GC: variants seen among roughly 807,000 people sequenced by gnomAD.
GC encodes GC vitamin D binding protein.
A neutral mutation model predicts 56.7 loss-of-function variants in GC; 43 were observed. The observed-to-expected ratio is 0.76, with a 90% CI of 0.59 to 0.98. The LOEUF is 0.98. GC is among the 50% of genes least tolerant of loss of function. GC has a pLI of 0.00. For missense variants in GC, 529 were observed against 545.9 expected (o/e 0.97, Z 0.31); for synonymous variants, 216 against 202.7 (o/e 1.07, Z -0.56).
At chr4:71,798,408 A>C (rs888830608) in intron 1 of GC, among the ~76,000 whole-genome samples, 4 of 152,222 alleles carry the variant, frequency 2.6e-5, no homozygotes, top group Non-Finnish European at 5.9e-5. Flanking sequence ...TTTGCTTACT[A>C]TACAATAGAC....
chr4:71,764,356 TA>T (rs1742091712), intron 4 of GC, among the ~76,000 whole-genome samples: 1 of 152,236 alleles, frequency 6.6e-6, no homozygotes, highest in Non-Finnish European at 1.5e-5. Flanking sequence ...TTTTAATATC[TA>T]AAAAACACTA....
At chr4:71,746,277 G>A (rs1741360532) in intron 11 of GC, 72 bp from the exon 12 acceptor site, 1 of 695,134 alleles carries the variant, frequency 1.4e-6, no homozygotes, top group Admixed American at 2.4e-5. Flanking sequence ...CATGCAGAAG[G>A]TATACAAAAT....
Position 71,756,926 on chromosome 4 carries a change from A to G in GC, c.832-12T>C. 1 of 1,575,070 alleles carries G rather than the reference A, an allele frequency of 6.3e-7. No homozygotes were observed. Among genetic ancestry groups the G allele is most frequent in the Non-Finnish European group, 8.7e-7 (1 of 1,144,474 alleles). ...GTGTGTTCAGGCAGCTACAAAACGA[A>G]TGGTTAGTTTGTGCATTGTTAGTTT... On this transcript the variant is annotated splice_polypyrimidine_tract_variant and intron_variant, in intron 7 of 12. Coordinates refer to ENST00000273951, the MANE Select transcript of GC (RefSeq NM_000583.4).
Position 71,769,325 on chromosome 4 carries a change from A to G in GC, c.128+6T>C, listed in dbSNP as rs1742272597. Reference sequence around the variant, plus strand: ...CCAACAGAGTGAGTGGCTGCTGCACACTTACAGAGATGTGAAGTCCTCCTT... The same window carrying G: ...CCAACAGAGTGAGTGGCTGCTGCACGCTTACAGAGATGTGAAGTCCTCCTT... On this transcript the variant is annotated splice_donor_region_variant and intron_variant, in intron 2 of 12. Transcript: ENST00000273951. 5 of 1,597,458 alleles carry G rather than the reference A, an allele frequency of 3.1e-6. No individual in the cohort carries two copies. The highest frequency in any genetic ancestry group is 4.3e-6 in the Non-Finnish European group (5 of 1,165,232).
rs181799912 is a variant in GC at position 71,779,668 on chromosome 4, T to C, written c.58+4293A>G. 2.1e-3 allele frequency among the ~76,000 whole-genome samples: 312 copies of C among 152,032 alleles called. 1 individual carries two copies. Among genetic ancestry groups the C allele is most frequent in the Non-Finnish European group, 3.6e-3 (242 of 67,886 alleles). ...TTAGAGGTTTCTTCATTTTCTCCTG[T>C]CCTAAATAGATTAAGCTGGTGGTGT... On this transcript the variant is annotated intron_variant, in intron 1 of 12. Coordinates refer to ENST00000273951, the MANE Select transcript of GC (RefSeq NM_000583.4).
intron 3 of GC, among the ~76,000 whole-genome samples, chr4:71,766,523 G>A (rs1041032527): frequency 3.3e-5 from 5 of 152,160 alleles, no homozygotes; most frequent in Non-Finnish European, 7.4e-5. Flanking sequence ...TAGTCATCAT[G>A]GAAAAAATTA....
chr4:71,756,825 G>A lies in GC; in HGVS notation c.921C>T (p.Asp307=), dbSNP rs188005133. 1.4e-5 allele frequency: 22 copies of A among 1,611,740 alleles called. No individual in the cohort carries two copies. The highest frequency in any genetic ancestry group is 1.7e-4 in the Middle Eastern group (1 of 6,058). ...GCATGAAGTAAGTGCACACAAAAAC[G>A]TCCATGGCTGTTTTTTCTTGACAAC... ...EDCCQEKTAM[D]VFVCTYFMPA... Residue 307 remains aspartate (D), a synonymous_variant, in exon 8 of 13, where the codon GAC becomes GAT. Coordinates refer to ENST00000273951, the MANE Select transcript of GC (RefSeq NM_000583.4).
chr4:71,769,580 T>G, intron 1 of GC, 180 bp from the exon 2 acceptor site: 1 of 547,886 alleles, frequency 1.8e-6, no homozygotes. Flanking sequence ...AGGCCACAAT[T>G]TTATGACATT....
chr4:71,783,883 T>G (rs1470477553), intron 1 of GC, 78 bp downstream of exon 1: 1 of 1,104,664 alleles, frequency 9.1e-7, no homozygotes, highest in Non-Finnish European at 1.3e-6. Flanking sequence ...TCTTACTTTT[T>G]ATTTCATTTT....
At chr4:71,803,436 A>T (rs988359470) in intron 1 of GC, among the ~76,000 whole-genome samples, 4 of 152,182 alleles carry the variant, frequency 2.6e-5, no homozygotes, top group African/African-American at 9.6e-5. Flanking sequence ...ACAAGAAGTT[A>T]ATGCATAATC....
chr4:71,780,473 C>G (rs1251786567), intron 1 of GC, among the ~76,000 whole-genome samples: 1 of 151,884 alleles, frequency 6.6e-6, no homozygotes, highest in African/African-American at 2.4e-5. Context: ...AAACTTTTTG[C>G]AATGTACCCA....
chr4:71,780,239 T>C (rs1034906139), intron 1 of GC, among the ~76,000 whole-genome samples: 10 of 152,046 alleles, frequency 6.6e-5, no homozygotes, highest in Admixed American at 6.6e-4. Flanking sequence ...TAATTCAAGA[T>C]GGATTAAAGG....
intron 1 of GC, among the ~76,000 whole-genome samples, chr4:71,793,572 T>C (rs1285637666): frequency 6.6e-6 from 1 of 152,182 alleles, no homozygotes; most frequent in Non-Finnish European, 1.5e-5. Context: ...CGATGGGGTT[T>C]TCTAAATATA....
In GC at chr4:71,754,413, T is replaced by G; in HGVS notation, c.1260A>C (p.Lys420Asn). 1 of 1,430,934 alleles carries G rather than the reference T, an allele frequency of 7.0e-7. No homozygotes were observed. The highest frequency in any genetic ancestry group is 9.8e-7 in the Non-Finnish European group (1 of 1,022,584). 88.6% of individuals were successfully genotyped at this position (1,430,934 alleles called of 1,614,324 possible). A position where few individuals can be genotyped will look rare whatever the true frequency, so the allele number is the denominator to read the frequency against. ...YSENTFTEYK[K>N]KLAERLKAKL... The stretch of plus-strand genomic sequence containing the variant: ...TACAGCCAGAACAAGTTTCTTACTT[T>G]TTCTTGTACTCAGTAAATGTATTTT... Residue 420 changes from lysine to asparagine, a missense_variant and splice_region_variant, in exon 10 of 13, where the codon AAA becomes AAC. By Grantham distance (94) the Lys-to-Asn change is moderately conservative. Transcript: ENST00000273951.
rs1045229108 is a variant in GC, at chr4:71,769,724, A to G, written c.59-324T>C. On this transcript the variant is annotated intron_variant, in intron 1 of 12. Transcript: ENST00000273951. ...GCAACTATTAGGTCCTATCTTTATAATGATACCAAAATGAGAATTTTTCTC... is the reference window on the plus strand; with the variant it reads ...GCAACTATTAGGTCCTATCTTTATAGTGATACCAAAATGAGAATTTTTCTC... 5.1e-5 allele frequency: 9 copies of G among 176,032 alleles called. No individual in the cohort carries two copies. The South Asian group carries it at 1.2e-3, about 24-fold the overall frequency. 10.9% of individuals were successfully genotyped at this position (176,032 alleles called of 1,614,324 possible). A position where few individuals can be genotyped will look rare whatever the true frequency, so the allele number is the denominator to read the frequency against.
At chr4:71,755,374 G>A in intron 8 of GC, among the ~76,000 whole-genome samples, 1 of 151,952 alleles carries the variant, frequency 6.6e-6, no homozygotes, top group East Asian at 1.9e-4. Flanking sequence ...TGTTGGCTAG[G>A]GTGGTCTGGA....
chr4:71,757,460 A>T (rs1394431523), intron 7 of GC, among the ~76,000 whole-genome samples: 1 of 151,634 alleles, frequency 6.6e-6, no homozygotes, highest in African/African-American at 2.4e-5. Flanking sequence ...ATTCAAATTT[A>T]AATAGTTTTA....
upstream of GC, chr4:71,804,050 C>T (rs1743308195): frequency 1.0e-5 from 8 of 771,592 alleles, no homozygotes; most frequent in Admixed American, 1.6e-4. Context: ...GTGAAAAGAG[C>T]ATCAACGTTG....
chr4:71,794,987 C>T (rs1578324191), intron 1 of GC, among the ~76,000 whole-genome samples: 1 of 152,168 alleles, frequency 6.6e-6, no homozygotes, highest in African/African-American at 2.4e-5. Flanking sequence ...TTTATTCATC[C>T]TGAGTTCTAA....
Sources: allele counts gnomAD v4.1 joint callset (sites outside exome capture counted in the v4.1 genomes callset), GRCh38; gene constraint gnomAD v4.1.1; transcripts MANE v1.5; gene names NCBI Gene and HGNC (gene_info 2026-07-23, HGNC 2026-07-21).